The following C1QTNF3 variants were observed in gnomAD, a reference collection of about 807,000 sequenced individuals.
C1QTNF3 encodes the protein complement C1q tumor necrosis factor-related protein 3.
C1QTNF3 carries 26 observed loss-of-function variants against 32.6 expected under a neutral mutation model. The ratio of observed to expected loss-of-function variants is 0.80; its 90% confidence interval spans 0.58 to 1.11. C1QTNF3 has a LOEUF of 1.11. Among genes scored for constraint, C1QTNF3 ranks in the 50% least tolerant of loss-of-function variants. The pLI is 0.00. For synonymous variants in C1QTNF3, 155 were observed against 146.0 expected, an observed-to-expected ratio of 1.06 and a Z score of -0.44; for missense variants, 362 against 398.2, an observed-to-expected ratio of 0.91 and a Z score of 0.77.
chr5:34,164,007 T>G, the C1QTNF3 span, among the ~76,000 whole-genome samples: 1 of 152,160 alleles, frequency 6.6e-6, no homozygotes, highest in Non-Finnish European at 1.5e-5. Context: ...ACCATAAACC[T>G]TTGCACAGCA....
the C1QTNF3 span, among the ~76,000 whole-genome samples, chr5:34,056,230 GA>G: frequency 6.6e-6 from 1 of 151,236 alleles, no homozygotes; most frequent in Non-Finnish European, 1.5e-5. Flanking sequence ...TCAGGGAAGG[GA>G]AAAAAAGGGG....
chr5:34,104,995 T>G, the C1QTNF3 span, among the ~76,000 whole-genome samples: 2 of 152,122 alleles, frequency 1.3e-5, no homozygotes, highest in African/African-American at 4.8e-5. Flanking sequence ...GAGTTTTTTT[T>G]TTTTTACTTG....
chr5:34,125,168 AC>A, the C1QTNF3 span, among the ~76,000 whole-genome samples: 1 of 152,208 alleles, frequency 6.6e-6, no homozygotes. Context: ...TGGCCAGATG[AC>A]AAATTGCTAA....
At chr5:34,159,908 A>C in the C1QTNF3 span, among the ~76,000 whole-genome samples, 1 of 152,132 alleles carries the variant, frequency 6.6e-6, no homozygotes, top group Non-Finnish European at 1.5e-5. Context: ...AACACATTTA[A>C]GAATACATTA....
chr5:34,158,517 G>GA, the C1QTNF3 span: 1 of 152,120 alleles, frequency 6.6e-6, no homozygotes, highest in Non-Finnish European at 1.5e-5. Flanking sequence ...CTATATTTCA[G>GA]AAAAATTAAG....
At chr5:34,205,600 G>A in the C1QTNF3 span, among the ~76,000 whole-genome samples, 1 of 151,984 alleles carries the variant, frequency 6.6e-6, no homozygotes, top group Non-Finnish European at 1.5e-5. Flanking sequence ...GTTTTCTGAG[G>A]CTTCCCCATC....
chr5:34,030,809 A>G (rs1754593705), intron 3 of C1QTNF3, among the ~76,000 whole-genome samples: 2 of 152,220 alleles, frequency 1.3e-5, no homozygotes, highest in Non-Finnish European at 2.9e-5. Context: ...GGAGGCCATT[A>G]TCCTTAGCAA....
chr5:34,028,038 T>C (rs1754516637), intron 4 of C1QTNF3, among the ~76,000 whole-genome samples: 2 of 152,116 alleles, frequency 1.3e-5, no homozygotes, highest in African/African-American at 4.8e-5. Context: ...AGTCGCGCGA[T>C]CTCCGCTCAC....
At chr5:34,073,838 T>C in the C1QTNF3 span, among the ~76,000 whole-genome samples, 1 of 152,086 alleles carries the variant, frequency 6.6e-6, no homozygotes, top group Non-Finnish European at 1.5e-5. Flanking sequence ...AAACGTGTCC[T>C]GATTTTCCAA....
chr5:34,168,073 A>G, the C1QTNF3 span: 1 of 151,790 alleles, frequency 6.6e-6, no homozygotes, highest in Non-Finnish European at 1.5e-5. Context: ...TACTAAATAG[A>G]GAAGTAAAAG....
At chr5:34,163,630 G>T in the C1QTNF3 span, among the ~76,000 whole-genome samples, 1 of 152,040 alleles carries the variant, frequency 6.6e-6, no homozygotes, top group Non-Finnish European at 1.5e-5. Flanking sequence ...TGGGTAAAAA[G>T]GAGTGCTCTA....
chr5:34,108,555 TAA>T, the C1QTNF3 span, among the ~76,000 whole-genome samples: 1 of 152,096 alleles, frequency 6.6e-6, no homozygotes, highest in Non-Finnish European at 1.5e-5. Context: ...GAATTTTATT[TAA>T]GAGCTGTCTA....
chr5:34,062,748 CCT>C, the C1QTNF3 span, among the ~76,000 whole-genome samples: 1 of 152,152 alleles, frequency 6.6e-6, no homozygotes, highest in African/African-American at 2.4e-5. Flanking sequence ...ATTTAAATCC[CCT>C]GTTAGGAAAT....
chr5:34,220,098 T>C, the C1QTNF3 span: 1 of 152,104 alleles, frequency 6.6e-6, no homozygotes, highest in Middle Eastern at 3.2e-3. Context: ...TTCTATTTTG[T>C]TTCAATGCAA....
At chr5:34,158,397 G>C in the C1QTNF3 span, 1 of 152,072 alleles carries the variant, frequency 6.6e-6, no homozygotes, top group Admixed American at 6.6e-5. Context: ...CTGAGCCATC[G>C]TGCCCAGCCA....
chr5:34,095,148 A>G, the C1QTNF3 span, among the ~76,000 whole-genome samples: 1 of 151,992 alleles, frequency 6.6e-6, no homozygotes, highest in Non-Finnish European at 1.5e-5. Flanking sequence ...TTTGTGAACT[A>G]TAGTCACTCT....
At chr5:34,082,120 C>T in the C1QTNF3 span, among the ~76,000 whole-genome samples, 1 of 151,796 alleles carries the variant, frequency 6.6e-6, no homozygotes, top group African/African-American at 2.4e-5. Flanking sequence ...TAATTTTTGT[C>T]TTTGCAACCA....
At chr5:34,189,675 C>T in the C1QTNF3 span, among the ~76,000 whole-genome samples, 5 of 152,330 alleles carry the variant, frequency 3.3e-5, no homozygotes, top group African/African-American at 1.2e-4. Context: ...CCCCACTGCT[C>T]CCAGGAGCGG....
chr5:34,084,594 C>T, the C1QTNF3 span, among the ~76,000 whole-genome samples: 65 of 151,330 alleles, frequency 4.3e-4, no homozygotes, highest in African/African-American at 1.5e-3. Context: ...ACATGAGCCT[C>T]ACCACATCAC....
Sources: gnomAD v4.1 joint callset for allele counts (sites outside exome capture counted in the v4.1 genomes callset) on GRCh38, gnomAD v4.1.1 for gene constraint, MANE v1.5 for transcripts, NCBI Gene and HGNC (gene_info 2026-07-23, HGNC 2026-07-21) for gene names.